SRBD1: variants seen among roughly 807,000 people sequenced by gnomAD.
SRBD1 encodes the protein S1 RNA-binding domain-containing protein 1.
Under a neutral mutation model 115.3 loss-of-function variants are expected in SRBD1, and 88 were observed. The ratio of observed to expected loss-of-function variants is 0.76; its 90% CI spans 0.64 to 0.91. SRBD1 has a LOEUF of 0.91. SRBD1 is among the 40% of genes least tolerant of loss of function. The pLI is 0.00. For synonymous variants in SRBD1, 509 were observed against 407.7 expected, an observed-to-expected ratio of 1.25 and a Z score of -2.99; for missense variants, 1,385 against 1,177.4, an observed-to-expected ratio of 1.18 and a Z score of -2.58.
intron 14 of SRBD1, among the ~76,000 whole-genome samples, chr2:45,497,826 G>C (rs1365733338): frequency 6.6e-6 from 1 of 152,018 alleles, no homozygotes; most frequent in Non-Finnish European, 1.5e-5. Flanking sequence ...CACGAGGTCA[G>C]GAGTTCAAGA....
chr2:45,555,045 T>C (rs574265907), intron 10 of SRBD1, among the ~76,000 whole-genome samples: 1 of 150,148 alleles, frequency 6.7e-6, no homozygotes, highest in South Asian at 2.1e-4. Context: ...CCCCAACCAA[T>C]CAAAGACCAC....
At chr2:45,508,046 C>G (rs1233715050) in intron 14 of SRBD1, among the ~76,000 whole-genome samples, 1 of 152,018 alleles carries the variant, frequency 6.6e-6, no homozygotes, top group African/African-American at 2.4e-5. Flanking sequence ...AAAGCCTGAC[C>G]GATAGATATT....
intron 14 of SRBD1, among the ~76,000 whole-genome samples, chr2:45,529,729 T>G (rs1269644938): frequency 6.6e-6 from 1 of 152,004 alleles, no homozygotes; most frequent in Admixed American, 6.6e-5. Flanking sequence ...AATAGGTATC[T>G]GGGTTCCTCT....
chr2:45,471,565 G>C (rs1039264044), intron 16 of SRBD1, among the ~76,000 whole-genome samples: 2 of 152,126 alleles, frequency 1.3e-5, no homozygotes, highest in Admixed American at 6.6e-5. Flanking sequence ...ATTTTTACAA[G>C]TGCATTTTAA....
rs116715984 is a variant in SRBD1, at chr2:45,594,116, A to C, written c.648+5333T>G. 3.3e-3 allele frequency among the ~76,000 whole-genome samples: 496 copies of C among 152,358 alleles called. 3 individuals are homozygous for C. Among genetic ancestry groups the C allele is most frequent in the African/African-American group, 0.011 (472 of 41,588 alleles). On this transcript the variant is annotated intron_variant, in intron 4 of 20. Transcript: ENST00000263736. Reference sequence around the variant, plus strand: ...CTTATTTAATTTCTCCTGGACAAATAGGTTAAACCTAATAAGTGGTTCCAC... The same window carrying C: ...CTTATTTAATTTCTCCTGGACAAATCGGTTAAACCTAATAAGTGGTTCCAC...
intron 16 of SRBD1, among the ~76,000 whole-genome samples, chr2:45,444,075 G>T (rs1488373029): frequency 6.6e-6 from 1 of 152,020 alleles, no homozygotes. Flanking sequence ...CTCTACATAA[G>T]AAAATCCATT....
At chr2:45,532,444 C>T (rs1671641877) in intron 14 of SRBD1, among the ~76,000 whole-genome samples, 1 of 151,792 alleles carries the variant, frequency 6.6e-6, no homozygotes, top group Admixed American at 6.6e-5. Context: ...AATTACAGCA[C>T]TGTAGGTACC....
At chr2:45,392,887 A>G (rs1667042133) in intron 20 of SRBD1, 58 bp downstream of exon 20, 1 of 1,461,600 alleles carries the variant, frequency 6.8e-7, no homozygotes, top group African/African-American at 1.4e-5. Flanking sequence ...TGAGGATCAA[A>G]GGAGATAATG....
chr2:45,468,030 C>A (rs1391057524), intron 16 of SRBD1, among the ~76,000 whole-genome samples: 2 of 152,120 alleles, frequency 1.3e-5, no homozygotes, highest in African/African-American at 4.8e-5. Context: ...ATTGAAACTC[C>A]TGGTGTACCT....
chr2:45,573,491 C>A, intron 8 of SRBD1, 149 bp from the exon 9 acceptor site: 1 of 863,612 alleles, frequency 1.2e-6, no homozygotes. Context: ...GATATTACTA[C>A]CCCATCAAAA....
At chr2:45,600,361 T>C (rs1329336086) in intron 3 of SRBD1, among the ~76,000 whole-genome samples, 1 of 152,238 alleles carries the variant, frequency 6.6e-6, no homozygotes, top group Admixed American at 6.5e-5. Context: ...TTCTTCCCAT[T>C]GCATGTCAAC....
chr2:45,457,987 T>C (rs1669204097), intron 16 of SRBD1, among the ~76,000 whole-genome samples: 1 of 152,070 alleles, frequency 6.6e-6, no homozygotes, highest in Non-Finnish European at 1.5e-5. Flanking sequence ...ACAGCTCATA[T>C]CTCAAAAAGC....
At chr2:45,491,530 C>T (rs780437427) in intron 14 of SRBD1, among the ~76,000 whole-genome samples, 2 of 152,052 alleles carry the variant, frequency 1.3e-5, no homozygotes, top group Non-Finnish European at 2.9e-5. Flanking sequence ...TAGTTTAGAC[C>T]TTCACCTAAA....
rs543067435 is a variant in SRBD1, at chr2:45,560,381, A to G, written c.1409+2272T>C. ...GAATATTTACAGAAAAATAAGCCAG[A>G]AATTGTCTTTGTGATTTACTAAAAC... On this transcript the variant is annotated intron_variant, in intron 10 of 20. Coordinates refer to ENST00000263736, the MANE Select transcript of SRBD1 (RefSeq NM_018079.5). 1.1e-4 allele frequency among the ~76,000 whole-genome samples: 17 copies of G among 152,358 alleles called. No homozygotes were observed. In the South Asian group the frequency reaches 3.3e-3, roughly 30 times the overall value.
intron 16 of SRBD1, among the ~76,000 whole-genome samples, chr2:45,450,579 G>A (rs1432583194): frequency 6.6e-6 from 1 of 152,062 alleles, no homozygotes; most frequent in Non-Finnish European, 1.5e-5. Flanking sequence ...TTAAAGCACT[G>A]TCCTAGTCCA....
intron 7 of SRBD1, among the ~76,000 whole-genome samples, chr2:45,577,292 A>G (rs1376214867): frequency 6.6e-6 from 1 of 152,266 alleles, no homozygotes; most frequent in Non-Finnish European, 1.5e-5. Flanking sequence ...CAAAGGGAAT[A>G]GATCTTGTGG....
At chr2:45,479,598 A>T (rs2103827281) in intron 15 of SRBD1, among the ~76,000 whole-genome samples, 1 of 152,328 alleles carries the variant, frequency 6.6e-6, no homozygotes, top group East Asian at 1.9e-4. Context: ...GCAGAAGAAA[A>T]GTCTGAAAAC....
chr2:45,603,590 C>T (rs755254030), intron 2 of SRBD1, among the ~76,000 whole-genome samples: 27 of 152,130 alleles, frequency 1.8e-4, no homozygotes, highest in South Asian at 1.0e-3. Context: ...AGTGCAGTGA[C>T]GTGATCTCGG....
chr2:45,436,866 A>G (rs1668514479), intron 16 of SRBD1, among the ~76,000 whole-genome samples: 1 of 152,210 alleles, frequency 6.6e-6, no homozygotes, highest in South Asian at 2.1e-4. Context: ...TCTATGTAGA[A>G]AATTCAAAAG....
Sources: allele counts gnomAD v4.1 joint callset (sites outside exome capture counted in the v4.1 genomes callset), GRCh38; gene constraint gnomAD v4.1.1; transcripts MANE v1.5; gene names NCBI Gene and HGNC (gene_info 2026-07-23, HGNC 2026-07-21).